BCKDK: variants seen among roughly 807,000 people sequenced by gnomAD.
The protein encoded by BCKDK is branched-chain alpha-ketoacid dehydrogenase kinase.
In BCKDK, 28 loss-of-function variants were observed where a neutral mutation model predicts 43.9. The observed-to-expected ratio is 0.64, with a 90% CI of 0.47 to 0.87. The LOEUF (loss-of-function observed/expected upper bound fraction) is 0.87. Ranked by LOEUF, BCKDK falls within the 40% of genes least tolerant of loss-of-function variation. The pLI, the probability that BCKDK is intolerant of heterozygous loss-of-function variation, is 0.00. For synonymous variants in BCKDK, 257 were observed against 234.3 expected (o/e 1.10, Z -0.88); for missense variants, 483 against 581.4 (o/e 0.83, Z 1.74).
In BCKDK at chr16:31,109,517, G is replaced by C; in HGVS notation, c.202G>C (p.Val68Leu). ...AIDAAAEKPSVRLTPTMMLYA... is the reference protein window; with the variant it reads ...AIDAAAEKPSLRLTPTMMLYA... The stretch of plus-strand genomic sequence containing the variant: ...GGCCTCTCTCCCTCTCTAGCCCTCA[G>C]TCCGCCTAACGCCCACCATGATGCT... Residue 68 changes from valine to leucine, a missense_variant, in exon 3 of 12, where the codon GTC (valine) becomes CTC (leucine). Coordinates refer to ENST00000219794, the MANE Select transcript of BCKDK (RefSeq NM_005881.4). This position sits in a 1 kb window ranked among gnomAD's most constrained non-coding sequence, Gnocchi z 5.3. 1 of 1,614,124 alleles carries C rather than the reference G, an allele frequency of 6.2e-7. No homozygotes were observed. Among genetic ancestry groups the C allele is most frequent in the Admixed American group, 1.7e-5 (1 of 60,026 alleles).
downstream of BCKDK, among the ~76,000 whole-genome samples, chr16:31,116,814 G>A (rs920052724): frequency 2.0e-5 from 3 of 151,650 alleles, no homozygotes; most frequent in African/African-American, 7.3e-5. Context: ...CTATTCAGGA[G>A]GCTGAGGCAG....
At position 31,110,960 on chromosome 16, in the gene BCKDK, A is replaced by G; in HGVS notation, c.717-131A>G. ...GTTCAGCAGCATCCCTGGCGCCAGC[A>G]GTACTGCCTAGTTGTGACAAACAAA... On this transcript the variant is annotated intron_variant, in intron 8 of 11. Transcript: ENST00000219794. This position sits in a 1 kb window ranked among gnomAD's most constrained non-coding sequence, Gnocchi z 5.4. 1 of 1,443,020 alleles carries G rather than the reference A, an allele frequency of 6.9e-7. No homozygotes were observed. The highest frequency in any genetic ancestry group is 9.5e-7 in the Non-Finnish European group (1 of 1,057,018). The allele number at this position is 1,443,020 out of a possible 1,614,324, so 89.4% of individuals were successfully genotyped here. A position where few individuals can be genotyped will look rare whatever the true frequency, so the allele number is the denominator to read the frequency against.
At chr16:31,114,588 A>G (rs1359683779), downstream of BCKDK, among the ~76,000 whole-genome samples, 1 of 152,138 alleles carries the variant, frequency 6.6e-6, no homozygotes, top group Non-Finnish European at 1.5e-5. Context: ...ATTGTTTCCA[A>G]GCCCAATAAC....
downstream of BCKDK, among the ~76,000 whole-genome samples, chr16:31,113,457 C>A (rs542311986): frequency 6.6e-6 from 1 of 152,178 alleles, no homozygotes; most frequent in African/African-American, 2.4e-5. Flanking sequence ...TGGGATTTAT[C>A]TTGAGCCATA....
In BCKDK at chr16:31,109,992, G is replaced by A; in HGVS notation, c.376-85G>A. The A allele has an allele frequency of 6.4e-7, 1 of 1,573,616 alleles. No individual in the cohort carries two copies. Among genetic ancestry groups the A allele is most frequent in the Non-Finnish European group, 8.7e-7 (1 of 1,144,022 alleles). ...TGATCACGTGGTCGACCAGCTGGGT[G>A]GTGATCCCCATGGGTAGGTGGGGGT... On this transcript the variant is annotated intron_variant, in intron 4 of 11. Transcript: ENST00000219794. The surrounding 1 kb of genome is among the most constrained non-coding windows in gnomAD (Gnocchi z 5.3).
downstream of BCKDK, among the ~76,000 whole-genome samples, chr16:31,117,177 C>CT (rs1209190561): frequency 5.3e-5 from 8 of 151,808 alleles, no homozygotes; most frequent in Non-Finnish European, 8.8e-5. Context: ...CAAGACTATC[C>CT]TGGACAACAT....
rs1265254306 is a variant in BCKDK, at chr16:31,111,883, G to A, written c.950G>A (p.Gly317Asp). 1 of 1,614,172 alleles carries A rather than the reference G, an allele frequency of 6.2e-7. No individual in the cohort carries two copies. Among genetic ancestry groups the A allele is most frequent in the East Asian group, 2.2e-5 (1 of 44,878 alleles). Residue 317 changes from glycine to aspartate, a missense_variant, in exon 11 of 12, where the codon GGT (glycine) becomes GAT (aspartate). Physicochemically the swap from Gly to Asp is moderately conservative, Grantham distance 94. Transcript: ENST00000219794. ...CATCTTGCTAGGATCTCAGACCGTGGTGGAGGAATCGCTCACAAAGATCTG... is the reference window on the plus strand; with the variant it reads ...CATCTTGCTAGGATCTCAGACCGTGATGGAGGAATCGCTCACAAAGATCTG... Reference protein sequence around the residue: ...VDLIIRISDRGGGIAHKDLDR... With the variant: ...VDLIIRISDRDGGIAHKDLDR...
rs2057393711 is a variant in BCKDK, at chr16:31,109,650, C to T, written c.265-23C>T. On this transcript the variant is annotated intron_variant, in intron 3 of 11. Transcript: ENST00000219794. This position sits in a 1 kb window ranked among gnomAD's most constrained non-coding sequence, Gnocchi z 5.3. ...CCAGACACTCAGGCTCCAGCCCCGC[C>T]TTCCCTTCTCATTTTCTCCCAGAAA... 1 of 1,613,894 alleles carries T rather than the reference C, an allele frequency of 6.2e-7. No individual in the cohort carries two copies. The highest frequency in any genetic ancestry group is 8.5e-7 in the Non-Finnish European group (1 of 1,179,834).
At chr16:31,113,483 G>A (rs1430889963), downstream of BCKDK, among the ~76,000 whole-genome samples, 1 of 152,178 alleles carries the variant, frequency 6.6e-6, no homozygotes, top group Non-Finnish European at 1.5e-5. Context: ...CCATGGGTGA[G>A]TTTTTATTTA....
chr16:31,111,733 G>T (rs779781148), intron 10 of BCKDK, 136 bp from the exon 11 acceptor site: 1 of 1,183,154 alleles, frequency 8.5e-7, no homozygotes, highest in Non-Finnish European at 1.2e-6. Flanking sequence ...TATAAACAAG[G>T]CCCAAGGGTC....
At position 31,110,790 on chromosome 16, in the gene BCKDK, C is replaced by A; in HGVS notation, c.716+29C>A. 1.2e-6 allele frequency: 2 copies of A among 1,605,492 alleles called. No individual in the cohort carries two copies. The highest frequency in any genetic ancestry group is 1.3e-5 in the African/African-American group (1 of 74,820). On this transcript the variant is annotated intron_variant, in intron 8 of 11. Transcript: ENST00000219794. The surrounding 1 kb of genome is among the most constrained non-coding windows in gnomAD (Gnocchi z 5.4). ...AGGCAAGAATGGCTCAGGGGGTGGG[C>A]AGACATCTGGGGCAGGGAAGGCTTG...
downstream of BCKDK, among the ~76,000 whole-genome samples, chr16:31,114,131 GCA>G (rs879683827): frequency 6.6e-6 from 1 of 152,082 alleles, no homozygotes; most frequent in Non-Finnish European, 1.5e-5. Flanking sequence ...GGTAATCTGG[GCA>G]CACAGAAACA....
chr16:31,109,257 G>GCACCCGCTGA lies in BCKDK; in HGVS notation c.34_35insCACCCGCTGA (p.Gly12AlafsTer119). 6.4e-7 allele frequency: 1 copy of GCACCCGCTGA among 1,550,756 alleles called. No individual in the cohort carries two copies. Among genetic ancestry groups the GCACCCGCTGA allele is most frequent in the South Asian group, 1.2e-5 (1 of 83,820 alleles). On this transcript the variant is annotated frameshift_variant, in exon 2 of 12. Transcript: ENST00000219794. LOFTEE classifies it high-confidence loss of function. This position sits in a 1 kb window ranked among gnomAD's most constrained non-coding sequence, Gnocchi z 5.3. ...GGCGTCGGTGCTGAGGAGCGGTCCC[G>GCACCCGCTGA]GGGGCGGGCTTCCGCTCCGGCCCCT...
chr16:31,109,653 C>T lies in BCKDK; in HGVS notation c.265-20C>T, dbSNP rs144675159. ...GACACTCAGGCTCCAGCCCCGCCTT[C>T]CCTTCTCATTTTCTCCCAGAAAAGT... is the stretch of plus-strand genomic sequence containing the variant. On this transcript the variant is annotated intron_variant, in intron 3 of 11. Transcript: ENST00000219794. The surrounding 1 kb of genome is among the most constrained non-coding windows in gnomAD (Gnocchi z 5.3). 1.2e-6 allele frequency: 2 copies of T among 1,613,914 alleles called. No homozygotes were observed. Among genetic ancestry groups the T allele is most frequent in the East Asian group, 2.2e-5 (1 of 44,888 alleles).
At chr16:31,111,482 C>T (rs1412121625) in intron 10 of BCKDK, 93 bp downstream of exon 10, 4 of 1,390,086 alleles carry the variant, frequency 2.9e-6, no homozygotes, top group African/African-American at 2.8e-5. Context: ...CCCTTCCTGC[C>T]CCATTCTGGG....
intron 10 of BCKDK, 24 bp from the exon 11 acceptor site, chr16:31,111,845 C>G: frequency 6.2e-7 from 1 of 1,613,490 alleles, no homozygotes; most frequent in Middle Eastern, 1.7e-4. Flanking sequence ...TGAGCCAAGC[C>G]CATTGTTGTT....
At chr16:31,117,498 T>TC (rs1401332393), downstream of BCKDK, 5 of 442,850 alleles carry the variant, frequency 1.1e-5, no homozygotes, top group Admixed American at 1.3e-4. Flanking sequence ...AACCAGGAGC[T>TC]CCAAGACTGC....
chr16:31,113,384 C>T (rs992247500), downstream of BCKDK, among the ~76,000 whole-genome samples: 7 of 152,218 alleles, frequency 4.6e-5, no homozygotes, highest in Non-Finnish European at 1.0e-4. Context: ...ATCCCGCCAG[C>T]TGCAAGGCAG....
intron 9 of BCKDK, 39 bp from the exon 10 acceptor site, chr16:31,111,261 C>T (rs537329766): frequency 3.5e-5 from 56 of 1,614,106 alleles, no homozygotes; most frequent in African/African-American, 5.3e-5. Context: ...GGACAGGAAC[C>T]GGGGTGCTTG....
Sources: allele counts gnomAD v4.1 joint callset (sites outside exome capture counted in the v4.1 genomes callset), GRCh38; gene constraint gnomAD v4.1.1; non-coding constraint Gnocchi (gnomAD v3.1); transcripts MANE v1.5; gene names NCBI Gene and HGNC (gene_info 2026-07-23, HGNC 2026-07-21).